NELL1: variants seen among roughly 807,000 people sequenced by gnomAD.
NELL1 encodes protein kinase C-binding protein NELL1.
Under a neutral mutation model 107.4 loss-of-function variants are expected in NELL1, and 76 were observed. The ratio of observed to expected loss-of-function variants is 0.71; its 90% CI spans 0.59 to 0.86. The LOEUF is 0.86. NELL1 is among the 40% of genes least tolerant of loss of function. The pLI is 0.00. For missense variants in NELL1, 1,024 were observed against 1,005.5 expected (o/e 1.02, Z -0.25); for synonymous variants, 353 against 341.2 (o/e 1.03, Z -0.38).
chr11:21,116,522 A>G (rs1855239912), intron 13 of NELL1, among the ~76,000 whole-genome samples: 1 of 152,006 alleles, frequency 6.6e-6, no homozygotes, highest in Admixed American at 6.6e-5. Flanking sequence ...TAGGAATTTC[A>G]TGCTTAACAT....
At chr11:21,217,012 A>C (rs1360145749) in intron 13 of NELL1, among the ~76,000 whole-genome samples, 1 of 152,116 alleles carries the variant, frequency 6.6e-6, no homozygotes, top group Non-Finnish European at 1.5e-5. Context: ...GTGTTGTAGG[A>C]GGGACCCAGT....
chr11:21,266,394 C>G (rs1204733608), intron 14 of NELL1, among the ~76,000 whole-genome samples: 1 of 152,056 alleles, frequency 6.6e-6, no homozygotes, highest in Non-Finnish European at 1.5e-5. Context: ...GAACCTTGCA[C>G]AGGCTACAGA....
intron 12 of NELL1, among the ~76,000 whole-genome samples, chr11:21,094,112 G>T (rs1854585422): frequency 6.6e-6 from 1 of 152,074 alleles, no homozygotes; most frequent in South Asian, 2.1e-4. Context: ...GGGGGTACGG[G>T]ATTGGGTAAA....
intron 3 of NELL1, among the ~76,000 whole-genome samples, chr11:20,811,601 T>C (rs2134013673): frequency 6.6e-6 from 1 of 152,276 alleles, no homozygotes; most frequent in African/African-American, 2.4e-5. Flanking sequence ...TTTTGTGTCC[T>C]TTTCAATTTC....
intron 15 of NELL1, among the ~76,000 whole-genome samples, chr11:21,466,480 G>A (rs1305792866): frequency 6.6e-6 from 1 of 152,184 alleles, no homozygotes; most frequent in Non-Finnish European, 1.5e-5. Context: ...AACAAGGTGG[G>A]AGCAGATGGT....
intron 12 of NELL1, among the ~76,000 whole-genome samples, chr11:21,029,876 G>A (rs67388490): frequency 0.07 from 10,617 of 152,236 alleles, 436 homozygotes; most frequent in Middle Eastern, 0.11. Flanking sequence ...AAAGAAATGG[G>A]AAAACCATTA....
chr11:20,748,603 G>A (rs1234241693), intron 2 of NELL1, among the ~76,000 whole-genome samples: 3 of 151,618 alleles, frequency 2.0e-5, no homozygotes, highest in Admixed American at 6.6e-5. Flanking sequence ...TATAAATTTT[G>A]TATGCCTTTG....
chr11:21,264,639 A>G (rs946965435), intron 14 of NELL1, among the ~76,000 whole-genome samples: 1 of 151,922 alleles, frequency 6.6e-6, no homozygotes, highest in African/African-American at 2.4e-5. Flanking sequence ...CAGTGGTTTA[A>G]CAAATGTGGA....
intron 14 of NELL1, among the ~76,000 whole-genome samples, chr11:21,370,006 G>A (rs1337571008): frequency 6.6e-6 from 1 of 152,036 alleles, no homozygotes; most frequent in Non-Finnish European, 1.5e-5. Context: ...TTATTCTTAT[G>A]GGTCTTACAG....
At chr11:21,210,693 A>G (rs1438995640) in intron 13 of NELL1, among the ~76,000 whole-genome samples, 4 of 152,162 alleles carry the variant, frequency 2.6e-5, no homozygotes, top group African/African-American at 9.7e-5. Context: ...ATTTTTTGCA[A>G]AAGAAATGCC....
chr11:20,943,330 G>A (rs1009724790), intron 10 of NELL1, among the ~76,000 whole-genome samples: 1 of 151,834 alleles, frequency 6.6e-6, no homozygotes, highest in Non-Finnish European at 1.5e-5. Context: ...CCGGGCATGC[G>A]GGTCAGCACT....
intron 3 of NELL1, among the ~76,000 whole-genome samples, chr11:20,844,281 A>G (rs1394485433): frequency 1.3e-5 from 2 of 152,130 alleles, no homozygotes; most frequent in Non-Finnish European, 2.9e-5. Flanking sequence ...TTAGATGGAG[A>G]TGGGAGTATA....
chr11:21,496,032 A>C (rs1171258669), intron 15 of NELL1, among the ~76,000 whole-genome samples: 1 of 152,098 alleles, frequency 6.6e-6, no homozygotes, highest in African/African-American at 2.4e-5. Flanking sequence ...AAGTTATATT[A>C]ATTGCTTTTC....
At chr11:21,551,064 G>C (rs1018863987) in intron 16 of NELL1, among the ~76,000 whole-genome samples, 10 of 151,014 alleles carry the variant, frequency 6.6e-5, no homozygotes, top group African/African-American at 2.2e-4. Context: ...CACATCCCTT[G>C]TAAGTTGGAT....
chr11:21,109,655 G>A (rs1442570469), intron 12 of NELL1, among the ~76,000 whole-genome samples: 1 of 152,098 alleles, frequency 6.6e-6, no homozygotes. Context: ...TCTTTCATTA[G>A]GGAGTTATGA....
At chr11:21,347,487 A>G (rs573330923) in intron 14 of NELL1, among the ~76,000 whole-genome samples, 1 of 152,250 alleles carries the variant, frequency 6.6e-6, no homozygotes, top group South Asian at 2.1e-4. Context: ...CTGTAATCCC[A>G]GCTACCTGGG....
intron 5 of NELL1, among the ~76,000 whole-genome samples, chr11:20,910,808 G>A (rs1236459583): frequency 6.6e-6 from 1 of 152,182 alleles, no homozygotes; most frequent in Non-Finnish European, 1.5e-5. Context: ...ATGAATGAAT[G>A]TACCAGTTAT....
Position 21,390,356 on chromosome 11 carries a change from A to G in NELL1, c.1645+19408A>G, listed in dbSNP as rs375966720. On this transcript the variant is annotated intron_variant, in intron 15 of 19. Coordinates refer to ENST00000357134, the MANE Select transcript of NELL1 (RefSeq NM_006157.5). ...GTCAAACATTTTCTTTCCCATCTCT[A>G]TAATAACAATGATAATAATAATAAT... Among the ~76,000 whole-genome samples the G allele has an allele frequency of 1.9e-3, 266 of 141,336 alleles. 9 individuals are homozygous for G. In the South Asian group the frequency reaches 0.059, roughly 31 times the overall value. 92.7% of individuals were successfully genotyped at this position (141,336 alleles called of 152,430 possible). A position where few individuals can be genotyped will look rare whatever the true frequency, so the allele number is the denominator to read the frequency against.
chr11:21,423,022 T>C (rs1199528048), intron 15 of NELL1, among the ~76,000 whole-genome samples: 3 of 152,192 alleles, frequency 2.0e-5, no homozygotes, highest in African/African-American at 7.2e-5. Context: ...TAAAAAAAAG[T>C]GAACATGGGT....
Sources: gnomAD v4.1 joint callset for allele counts (sites outside exome capture counted in the v4.1 genomes callset) on GRCh38, gnomAD v4.1.1 for gene constraint, MANE v1.5 for transcripts, NCBI Gene and HGNC (gene_info 2026-07-23, HGNC 2026-07-21) for gene names.